Variants in MPHOSPH9 observed in about 807,000 individuals in gnomAD.
MPHOSPH9 encodes the protein M-phase phosphoprotein 9.
A neutral mutation model predicts 145.5 loss-of-function variants in MPHOSPH9; 88 were observed. The ratio of observed to expected loss-of-function variants is 0.60; its 90% confidence interval spans 0.51 to 0.72. MPHOSPH9 has a LOEUF of 0.72. Ranked by LOEUF, MPHOSPH9 falls within the 30% of genes least tolerant of loss-of-function variation. The probability of loss-of-function intolerance (pLI) is 0.00; values close to 1 mark genes in which losing one functional copy is unlikely to be tolerated. For missense variants in MPHOSPH9, 1,238 were observed against 1,386.6 expected, an observed-to-expected ratio of 0.89 and a Z score of 1.70; for synonymous variants, 435 against 486.2, an observed-to-expected ratio of 0.89 and a Z score of 1.39.
chr12:123,197,849 C>T (rs11614406), intron 12 of MPHOSPH9, among the ~76,000 whole-genome samples: 89,595 of 150,416 alleles, frequency 0.6, 31,236 homozygotes, highest in East Asian at 0.96. Context: ...TTTGGGAGGC[C>T]GAGGCAGGAG....
intron 5 of MPHOSPH9, among the ~76,000 whole-genome samples, chr12:123,220,964 A>G (rs1368170580): frequency 6.6e-6 from 1 of 152,150 alleles, no homozygotes; most frequent in Non-Finnish European, 1.5e-5. Flanking sequence ...CTGAGGCAGA[A>G]GAATGGCGTG....
intron 13 of MPHOSPH9, among the ~76,000 whole-genome samples, chr12:123,189,406 G>T (rs1378863188): frequency 1.3e-5 from 2 of 152,150 alleles, no homozygotes; most frequent in Non-Finnish European, 2.9e-5. Flanking sequence ...ATGGCAGCTA[G>T]AACAATACCC....
At position 123,181,203 on chromosome 12, in the gene MPHOSPH9, C is replaced by T. The variant is rs997324930; in HGVS notation, c.2249G>A (p.Gly750Glu). 5.0e-6 allele frequency: 8 copies of T among 1,611,600 alleles called. No individual in the cohort carries two copies. The African/African-American group carries it at 1.1e-4, about 22-fold the overall frequency. The change falls in exon 14 of 24, where the codon GGA (glycine) becomes GAA (glutamate). Residue 750 changes from glycine (G) to glutamate (E), a missense_variant. Coordinates refer to ENST00000606320, the MANE Select transcript of MPHOSPH9 (RefSeq NM_022782.4). ...QENKMFQDLL[G>E]EYESLGKEHR... ...TTCTTTTCCAAGGGACTCATACTCT[C>T]CTAAAAGCTACAAGGAAAAACAAAA...
chr12:123,168,341 C>CT (rs1247136954), intron 16 of MPHOSPH9, among the ~76,000 whole-genome samples: 8,661 of 135,368 alleles, frequency 0.064, 555 homozygotes, highest in African/African-American at 0.16. Context: ...ACATGACTTT[C>CT]TTTTTTTTTT....
At chr12:123,222,072 C>T (rs1243267554) in intron 4 of MPHOSPH9, among the ~76,000 whole-genome samples, 177 bp from the exon 5 acceptor site, 3 of 152,138 alleles carry the variant, frequency 2.0e-5, no homozygotes, top group Non-Finnish European at 2.9e-5. Context: ...CAGTGGCTCA[C>T]GCCTGTAATC....
rs2043999292 is a variant in MPHOSPH9, at chr12:123,159,224, C to T, written c.3450+1557G>A. Among the ~76,000 whole-genome samples the T allele has an allele frequency of 6.6e-6, 1 of 152,102 alleles. No homozygotes were observed. Among genetic ancestry groups the T allele is most frequent in the East Asian group, 1.9e-4 (1 of 5,174 alleles). ...CTGTCACCCAGGCCGAGTGCAGTGG[C>T]ACGATCTCAGCTCAATGCAACCTCC... On this transcript the variant is annotated intron_variant, in intron 23 of 23. Transcript: ENST00000606320. This position sits in a 1 kb window ranked among gnomAD's most constrained non-coding sequence, Gnocchi z 4.3.
At chr12:123,237,633 T>A (rs1393010061), upstream of MPHOSPH9, among the ~76,000 whole-genome samples, 1 of 152,204 alleles carries the variant, frequency 6.6e-6, no homozygotes, top group Non-Finnish European at 1.5e-5. Flanking sequence ...GCTCAATCTA[T>A]TATGCTTTCC....
At chr12:123,241,342 GT>G (rs1167228537) in intron 1 of MPHOSPH9, among the ~76,000 whole-genome samples, 1 of 151,572 alleles carries the variant, frequency 6.6e-6, no homozygotes, top group Non-Finnish European at 1.5e-5. Context: ...TGTTGTTGTT[GT>G]TTTTTGAGAC....
chr12:123,199,154 T>C (rs547478749), intron 11 of MPHOSPH9, among the ~76,000 whole-genome samples: 18 of 152,218 alleles, frequency 1.2e-4, no homozygotes, highest in Admixed American at 1.2e-3. Context: ...CACACACAGC[T>C]AATTTGATTT....
intron 17 of MPHOSPH9, 142 bp from the exon 18 acceptor site, chr12:123,165,619 G>C: frequency 4.1e-6 from 3 of 736,328 alleles, no homozygotes; most frequent in Non-Finnish European, 6.5e-6. Flanking sequence ...GAGGTAATTA[G>C]GGTTGGATGA....
intron 1 of MPHOSPH9, among the ~76,000 whole-genome samples, chr12:123,239,754 G>A (rs1435563461): frequency 6.6e-6 from 1 of 152,136 alleles, no homozygotes; most frequent in East Asian, 1.9e-4. Context: ...TAACACAACA[G>A]AGGTGACATT....
chr12:123,217,289 C>T (rs186041813), intron 6 of MPHOSPH9, among the ~76,000 whole-genome samples: 114 of 152,000 alleles, frequency 7.5e-4, no homozygotes, highest in Non-Finnish European at 6.9e-4. Context: ...CCTCTGTCTC[C>T]CCAGTTCAAG....
intron 8 of MPHOSPH9, among the ~76,000 whole-genome samples, chr12:123,204,333 C>T (rs139817432): frequency 1.7e-4 from 26 of 151,220 alleles, no homozygotes; most frequent in African/African-American, 6.3e-4. Flanking sequence ...CAAGATACTT[C>T]AGAATGAATG....
At chr12:123,239,924 G>A (rs1435666601) in intron 1 of MPHOSPH9, among the ~76,000 whole-genome samples, 1 of 151,948 alleles carries the variant, frequency 6.6e-6, no homozygotes, top group African/African-American at 2.4e-5. Flanking sequence ...CTTCACCATT[G>A]CCATCATGAT....
At chr12:123,188,527 C>T (rs567528250) in intron 13 of MPHOSPH9, among the ~76,000 whole-genome samples, 48 of 152,286 alleles carry the variant, frequency 3.2e-4, no homozygotes, top group African/African-American at 1.1e-3. Context: ...CCCCTTGAAC[C>T]TATGCAGGAC....
upstream of MPHOSPH9, among the ~76,000 whole-genome samples, chr12:123,238,111 G>A (rs1236076057): frequency 6.6e-6 from 1 of 152,012 alleles, no homozygotes; most frequent in Non-Finnish European, 1.5e-5. Flanking sequence ...GCCCAGGCTG[G>A]TCTGGAACTC....
chr12:123,228,619 C>T (rs930051630), intron 2 of MPHOSPH9, among the ~76,000 whole-genome samples: 3 of 151,818 alleles, frequency 2.0e-5, no homozygotes, highest in African/African-American at 4.8e-5. Flanking sequence ...ACCCAGGACA[C>T]GGAGATCGCA....
chr12:123,181,595 C>T lies in MPHOSPH9; in HGVS notation c.2242-385G>A, dbSNP rs571203067. ...AACAAAAGCTGGGCTCGGTGGCTCA[C>T]GCCTGTAATCCTAGCACTTTGGGAG... On this transcript the variant is annotated intron_variant, in intron 13 of 23. Transcript: ENST00000606320. 5.9e-5 allele frequency among the ~76,000 whole-genome samples: 9 copies of T among 151,702 alleles called. No homozygotes were observed. The South Asian group carries it at 1.0e-3, about 18-fold the overall frequency.
intron 12 of MPHOSPH9, 77 bp from the exon 13 acceptor site, chr12:123,194,678 A>G (rs2045866704): frequency 1.8e-6 from 2 of 1,089,058 alleles, no homozygotes; most frequent in Non-Finnish European, 2.5e-6. Flanking sequence ...CTGGAGTACA[A>G]TGGCGCAATC....
Sources: gnomAD v4.1 joint callset for allele counts (sites outside exome capture counted in the v4.1 genomes callset) on GRCh38, gnomAD v4.1.1 for gene constraint, Gnocchi (gnomAD v3.1) non-coding constraint, MANE v1.5 for transcripts, NCBI Gene and HGNC (gene_info 2026-07-23, HGNC 2026-07-21) for gene names.